Variants in SLC75A1 observed in about 807,000 individuals in gnomAD.
The protein encoded by SLC75A1 is solute carrier family 75 member 1, also known as major facilitator superfamily domain containing 10.
chr4:2,931,609 C>G, the SLC75A1 span: 1 of 1,613,598 alleles, frequency 6.2e-7, no homozygotes, highest in Admixed American at 1.7e-5. Flanking sequence ...CATAGGCACC[C>G]TGGATGGTGG....
chr4:2,933,888 G>A, the SLC75A1 span: 1 of 1,578,116 alleles, frequency 6.3e-7, no homozygotes, highest in Non-Finnish European at 8.6e-7. Context: ...GGATGGGTGG[G>A]CGCGGGGTGC....
the SLC75A1 span, chr4:2,933,356 C>A: frequency 1.5e-5 from 14 of 964,150 alleles, no homozygotes; most frequent in East Asian, 2.9e-4. Context: ...GCCGAGGGGG[C>A]CCCAATGGAG....
At chr4:2,930,680 G>C in the SLC75A1 span, 5 of 722,380 alleles carry the variant, frequency 6.9e-6, no homozygotes, top group South Asian at 1.9e-5. Flanking sequence ...GAAGGAGTAA[G>C]TAAGTCTGGA....
the SLC75A1 span, chr4:2,931,040 A>G: frequency 2.2e-4 from 356 of 1,610,196 alleles, 2 homozygotes; most frequent in South Asian, 2.2e-3. Flanking sequence ...AGCCTGCCCC[A>G]GCACCATCCC....
chr4:2,930,802 C>A, the SLC75A1 span: 1 of 1,609,056 alleles, frequency 6.2e-7, no homozygotes, highest in Non-Finnish European at 8.5e-7. Flanking sequence ...GGCTCCCACT[C>A]TGCCTGGTGC....
At chr4:2,934,078 C>T in the SLC75A1 span, 3 of 808,274 alleles carry the variant, frequency 3.7e-6, no homozygotes, top group South Asian at 3.6e-5. Context: ...ACGCAGGGGC[C>T]GTTCTGGCCT....
At chr4:2,933,426 A>C in the SLC75A1 span, 3 of 979,344 alleles carry the variant, frequency 3.1e-6, no homozygotes, top group South Asian at 4.4e-5. Context: ...AGAAGCCAGG[A>C]CATGTGGGCA....
the SLC75A1 span, chr4:2,933,267 G>A: frequency 1.3e-6 from 2 of 1,492,046 alleles, no homozygotes; most frequent in African/African-American, 1.4e-5. Flanking sequence ...GTGGTCTTGG[G>A]GCCCTCAAGG....
the SLC75A1 span, chr4:2,931,375 C>A: frequency 6.5e-7 from 1 of 1,549,134 alleles, no homozygotes. Flanking sequence ...GGCCACTCAC[C>A]AAAGGAGTAG....
At chr4:2,930,572 C>T in the SLC75A1 span, 2 of 545,948 alleles carry the variant, frequency 3.7e-6, no homozygotes, top group Admixed American at 3.4e-5. Context: ...TGGTATAAAA[C>T]AAACAGGTGC....
chr4:2,933,465 T>G, the SLC75A1 span: 2 of 1,287,344 alleles, frequency 1.6e-6, no homozygotes, highest in African/African-American at 1.5e-5. Context: ...GCCCAGGGAG[T>G]GGGAAGGCAA....
the SLC75A1 span, chr4:2,933,815 G>A: frequency 3.8e-6 from 6 of 1,591,004 alleles, no homozygotes; most frequent in Non-Finnish European, 5.1e-6. Context: ...GTGAAGGCCA[G>A]GAGGTCCAGC....
chr4:2,933,232 A>G, the SLC75A1 span: 1 of 1,607,300 alleles, frequency 6.2e-7, no homozygotes. Flanking sequence ...TGTCACCATC[A>G]TGGGGCTGCC....
the SLC75A1 span, chr4:2,932,566 A>C: frequency 1.9e-6 from 3 of 1,612,404 alleles, no homozygotes; most frequent in South Asian, 3.3e-5. Context: ...AGAAGTCACC[A>C]CCAGGACCCC....
At chr4:2,932,293 T>C in the SLC75A1 span, 2 of 1,572,756 alleles carry the variant, frequency 1.3e-6, no homozygotes, top group Non-Finnish European at 1.7e-6. Context: ...GCACTTTACA[T>C]CGCTATGGAA....
the SLC75A1 span, chr4:2,932,325 C>T: frequency 2.5e-6 from 4 of 1,605,412 alleles, no homozygotes; most frequent in Non-Finnish European, 3.4e-6. Flanking sequence ...GCCCCTAGGC[C>T]TGTGGGTCCC....
chr4:2,931,812 G>A, the SLC75A1 span: 2 of 1,588,282 alleles, frequency 1.3e-6, no homozygotes, highest in East Asian at 2.3e-5. Flanking sequence ...GCCGTCGCCA[G>A]ATGGGGACCC....
chr4:2,934,815 C>G, the SLC75A1 span: 1 of 150,558 alleles, frequency 6.6e-6, no homozygotes, highest in Non-Finnish European at 1.5e-5. Flanking sequence ...AGACGCGGAA[C>G]AGGGCACCAG....
At chr4:2,934,669 G>A in the SLC75A1 span, 1 of 73,020 alleles carries the variant, frequency 1.4e-5, no homozygotes, top group African/African-American at 5.5e-5. Flanking sequence ...GCGTACCCCG[G>A]GTCCCGTCTC....
Sources: allele counts gnomAD v4.1 joint callset, GRCh38; gene constraint gnomAD v4.1.1; transcripts MANE v1.5; gene names NCBI Gene and HGNC (gene_info 2026-07-23, HGNC 2026-07-21).